IKBKB-DT: variants seen among roughly 807,000 people sequenced by gnomAD.
The protein encoded by IKBKB-DT is IKBKB antisense RNA.
chr8:42,241,900 T>C (rs1026939662), intron 3 of IKBKB-DT, among the ~76,000 whole-genome samples: 109 of 152,204 alleles, frequency 7.2e-4, no homozygotes, highest in African/African-American at 2.5e-3. Flanking sequence ...TCAGTTAATA[T>C]GAAAAAGGGT....
intron 3 of IKBKB-DT, among the ~76,000 whole-genome samples, chr8:42,257,200 G>A (rs969043568): frequency 6.6e-6 from 1 of 152,108 alleles, no homozygotes; most frequent in Non-Finnish European, 1.5e-5. Flanking sequence ...TAACAAGTTT[G>A]TTTTTATAAG....
intron 3 of IKBKB-DT, among the ~76,000 whole-genome samples, chr8:42,247,808 G>A (rs1807080863): frequency 6.6e-6 from 1 of 152,052 alleles, no homozygotes; most frequent in South Asian, 2.1e-4. Context: ...TGAAGAAAGT[G>A]CCTGCGCTGG....
chr8:42,248,052 C>T (rs1001202293), intron 3 of IKBKB-DT, among the ~76,000 whole-genome samples: 8 of 150,832 alleles, frequency 5.3e-5, no homozygotes, highest in Admixed American at 1.3e-4. Flanking sequence ...GAGATCTCAC[C>T]GCTACACTCC....
At chr8:42,269,602 G>A (rs530825419) in intron 1 of IKBKB-DT, among the ~76,000 whole-genome samples, 53 of 136,470 alleles carry the variant, frequency 3.9e-4, no homozygotes, top group African/African-American at 1.4e-3. Flanking sequence ...GGGAGGGGAG[G>A]AGAGGGGAGG....
At chr8:42,259,498 T>TTTAAC (rs1332635170) in intron 3 of IKBKB-DT, among the ~76,000 whole-genome samples, 1 of 152,244 alleles carries the variant, frequency 6.6e-6, no homozygotes, top group African/African-American at 2.4e-5. Context: ...TATCATTTAA[T>TTTAAC]TTAACTTAAC....
At chr8:42,262,764 G>T (rs1051580677) in intron 3 of IKBKB-DT, among the ~76,000 whole-genome samples, 9 of 146,738 alleles carry the variant, frequency 6.1e-5, no homozygotes, top group Admixed American at 4.8e-4. Context: ...TTGAGACAGG[G>T]TCTCATGCTC....
chr8:42,265,321 T>C (rs780919333), intron 2 of IKBKB-DT, among the ~76,000 whole-genome samples: 3 of 152,224 alleles, frequency 2.0e-5, no homozygotes, highest in Non-Finnish European at 4.4e-5. Context: ...TATTCTGCTT[T>C]CGGAGTTGCT....
At chr8:42,257,356 G>A (rs1327879509) in intron 3 of IKBKB-DT, among the ~76,000 whole-genome samples, 1 of 152,020 alleles carries the variant, frequency 6.6e-6, no homozygotes, top group Non-Finnish European at 1.5e-5. Flanking sequence ...ACAAAAATTA[G>A]CTGGGTGTGG....
intron 1 of IKBKB-DT, among the ~76,000 whole-genome samples, chr8:42,267,638 C>T (rs1234018104): frequency 6.6e-6 from 1 of 152,060 alleles, no homozygotes; most frequent in Non-Finnish European, 1.5e-5. Flanking sequence ...TTCCCTATAG[C>T]ACAGCTAAAA....
chr8:42,250,116 T>C (rs1198352953), intron 3 of IKBKB-DT, among the ~76,000 whole-genome samples: 1 of 152,122 alleles, frequency 6.6e-6, no homozygotes, highest in African/African-American at 2.4e-5. Flanking sequence ...ATAAGTCTCC[T>C]AGGGCATTTG....
chr8:42,269,312 C>G (rs1172512513), intron 1 of IKBKB-DT, among the ~76,000 whole-genome samples: 1 of 142,950 alleles, frequency 7.0e-6, no homozygotes, highest in Non-Finnish European at 1.5e-5. Context: ...AGAGAAAGGC[C>G]CTGTCAAGAA....
chr8:42,250,184 ATTGC>A (rs1368720098), intron 3 of IKBKB-DT, among the ~76,000 whole-genome samples: 4 of 151,888 alleles, frequency 2.6e-5, no homozygotes, highest in Admixed American at 6.6e-5. Flanking sequence ...CTAGGTAATG[ATTGC>A]TTGCTGCTGG....
chr8:42,240,695 G>A (rs1352286917), intron 3 of IKBKB-DT, among the ~76,000 whole-genome samples: 2 of 149,682 alleles, frequency 1.3e-5, no homozygotes, highest in African/African-American at 4.9e-5. Context: ...ACAGAATGTG[G>A]GCCAGACACT....
At chr8:42,268,106 C>G (rs1258999715) in intron 1 of IKBKB-DT, among the ~76,000 whole-genome samples, 1 of 151,698 alleles carries the variant, frequency 6.6e-6, no homozygotes, top group South Asian at 2.1e-4. Flanking sequence ...TCCACAGTGC[C>G]CAGCACATAT....
rs1263582766 is a variant in IKBKB-DT at position 42,247,557 on chromosome 8, G to T, written n.1530-13698C>A. ...CATGATTGGTTTTGAAACGTGAAAG[G>T]GCCATGAGATTTGGGAGGGGCCGGA... On this transcript the variant is annotated intron_variant and non_coding_transcript_variant, in intron 3 of 3. Coordinates refer to ENST00000518213, the Ensembl canonical transcript of IKBKB-DT. 6.1e-4 allele frequency among the ~76,000 whole-genome samples: 93 copies of T among 152,114 alleles called. 1 individual carries two copies. The highest frequency in any genetic ancestry group is 6.0e-3 in the Admixed American group (92 of 15,266).
intron 3 of IKBKB-DT, among the ~76,000 whole-genome samples, chr8:42,248,117 T>A (rs1304271755): frequency 6.6e-6 from 1 of 151,222 alleles, no homozygotes; most frequent in African/African-American, 2.4e-5. Context: ...AAAGAAAGTG[T>A]CTTCTTCTCC....
intron 3 of IKBKB-DT, among the ~76,000 whole-genome samples, chr8:42,258,343 C>T (rs1160958472): frequency 6.6e-6 from 1 of 152,060 alleles, no homozygotes; most frequent in African/African-American, 2.4e-5. Flanking sequence ...GACAGTCTTG[C>T]TATGTTGCCC....
intron 3 of IKBKB-DT, among the ~76,000 whole-genome samples, chr8:42,256,208 A>G (rs1179892530): frequency 6.6e-6 from 1 of 152,078 alleles, no homozygotes; most frequent in Non-Finnish European, 1.5e-5. Flanking sequence ...AGTTAGCTTA[A>G]GAAAAAAAGA....
At chr8:42,264,143 A>T (rs562669768) in intron 2 of IKBKB-DT, among the ~76,000 whole-genome samples, 173 of 150,490 alleles carry the variant, frequency 1.1e-3, no homozygotes, top group African/African-American at 3.9e-3. Context: ...AAGTATACAT[A>T]GATAATTATA....
Sources: allele counts gnomAD v4.1 joint callset (sites outside exome capture counted in the v4.1 genomes callset), GRCh38; gene constraint gnomAD v4.1.1; transcripts MANE v1.5; gene names NCBI Gene and HGNC (gene_info 2026-07-23, HGNC 2026-07-21).